AFAP1: variants seen among roughly 807,000 people sequenced by gnomAD.
AFAP1 encodes the protein actin filament-associated protein 1.
In AFAP1, 75 loss-of-function variants were observed where a neutral mutation model predicts 93.9. The observed-to-expected ratio is 0.80, with a 90% CI of 0.66 to 0.97. AFAP1 has a LOEUF of 0.97. AFAP1 is among the 50% of genes least tolerant of loss of function. AFAP1 has a pLI of 0.00. For missense variants in AFAP1, 1,201 were observed against 1,050.8 expected, an observed-to-expected ratio of 1.14 and a Z score of -1.98; for synonymous variants, 517 against 430.7, an observed-to-expected ratio of 1.20 and a Z score of -2.48.
intron 1 of AFAP1, among the ~76,000 whole-genome samples, chr4:7,895,385 T>A (rs947600142): frequency 1.3e-5 from 2 of 151,064 alleles, no homozygotes; most frequent in Admixed American, 1.3e-4. Flanking sequence ...ATAATTATTA[T>A]CTGTTAAAGA....
chr4:7,939,481 C>G lies in AFAP1; in HGVS notation c.-3+175G>C, dbSNP rs767410134. On this transcript the variant is annotated intron_variant, in intron 1 of 17. Coordinates refer to ENST00000420658, the MANE Select transcript of AFAP1 (RefSeq NM_001134647.2). This position sits in a 1 kb window ranked among gnomAD's most constrained non-coding sequence, Gnocchi z 5.6. ...CCACCCGCAGGACGACCGGGACCCC[C>G]GCGCGGGCCCACGCGGCGTCGCAGC... 4 of 301,908 alleles carry G rather than the reference C, an allele frequency of 1.3e-5. No individual in the cohort carries two copies. The highest frequency in any genetic ancestry group is 7.6e-5 in the South Asian group (3 of 39,418). The allele number at this position is 301,908 out of a possible 1,614,324, so 18.7% of individuals were successfully genotyped here.
intron 8 of AFAP1, among the ~76,000 whole-genome samples, chr4:7,810,637 T>A (rs1320748689): frequency 2.0e-5 from 3 of 152,202 alleles, no homozygotes; most frequent in Non-Finnish European, 4.4e-5. Context: ...CAGGACAGTG[T>A]TAAATTGGAG....
At chr4:7,811,317 A>T (rs56264326) in intron 8 of AFAP1, among the ~76,000 whole-genome samples, 20,146 of 134,486 alleles carry the variant, frequency 0.15, 1,562 homozygotes, top group East Asian at 0.26. Context: ...TCCCACCCCC[A>T]CCGCAGGAAC....
intron 4 of AFAP1, among the ~76,000 whole-genome samples, chr4:7,853,866 C>A (rs1714736878): frequency 6.6e-6 from 1 of 152,140 alleles, no homozygotes; most frequent in African/African-American, 2.4e-5. Flanking sequence ...CCACTGTGCG[C>A]CATCACTGCT....
At chr4:7,906,717 T>C (rs1719422809) in intron 1 of AFAP1, among the ~76,000 whole-genome samples, 1 of 152,228 alleles carries the variant, frequency 6.6e-6, no homozygotes, top group Non-Finnish European at 1.5e-5. Context: ...CTTTTGTAGA[T>C]TCCCACAGAA....
At chr4:7,864,474 A>C (rs1716188382) in intron 3 of AFAP1, among the ~76,000 whole-genome samples, 1 of 152,214 alleles carries the variant, frequency 6.6e-6, no homozygotes, top group Non-Finnish European at 1.5e-5. Flanking sequence ...GACTTGCTGA[A>C]TCCCAAATTC....
Position 7,890,004 on chromosome 4 carries a change from T to TAAAA in AFAP1, c.-2-17928_-2-17925dup, listed in dbSNP as rs543991662. Reference sequence around the variant, plus strand: ...TCAAGATCCCAGGAGCAATTTTTGTTAAAAAAAAAAAAAAAAAAAAGAAGC... The same window carrying TAAAA: ...TCAAGATCCCAGGAGCAATTTTTGTTAAAAAAAAAAAAAAAAAAAAAAAAGAAGC... On this transcript the variant is annotated intron_variant, in intron 1 of 17. Transcript: ENST00000420658. 9.7e-3 allele frequency among the ~76,000 whole-genome samples: 976 copies of TAAAA among 100,232 alleles called. 10 individuals carry two copies. The highest frequency in any genetic ancestry group is 0.019 in the African/African-American group (480 of 25,262). The allele number at this position is 100,232 out of a possible 152,430, so 65.8% of individuals were successfully genotyped here.
At chr4:7,886,671 C>G (rs1718158276) in intron 1 of AFAP1, among the ~76,000 whole-genome samples, 1 of 152,088 alleles carries the variant, frequency 6.6e-6, no homozygotes, top group Non-Finnish European at 1.5e-5. Flanking sequence ...TGGAAAATAT[C>G]CTTCTATTGT....
chr4:7,854,066 G>C (rs972701367), intron 4 of AFAP1, among the ~76,000 whole-genome samples: 1 of 152,078 alleles, frequency 6.6e-6, no homozygotes, highest in Non-Finnish European at 1.5e-5. Context: ...GCAGGGGAAG[G>C]GCCAGAGACA....
At chr4:7,801,612 G>C (rs1251131921) in intron 9 of AFAP1, among the ~76,000 whole-genome samples, 1 of 151,974 alleles carries the variant, frequency 6.6e-6, no homozygotes, top group African/African-American at 2.4e-5. Context: ...TAGAAAGCGA[G>C]ATAAATAGCA....
At chr4:7,771,444 A>G (rs1253419295) in intron 16 of AFAP1, among the ~76,000 whole-genome samples, 1 of 152,164 alleles carries the variant, frequency 6.6e-6, no homozygotes, top group East Asian at 1.9e-4. Flanking sequence ...GAATGAATAT[A>G]TGATTTTATG....
intron 8 of AFAP1, among the ~76,000 whole-genome samples, chr4:7,811,614 C>T (rs542226342): frequency 5.3e-5 from 8 of 152,268 alleles, no homozygotes; most frequent in African/African-American, 1.4e-4. Context: ...TCCACCCTCC[C>T]GCTTAGGTCC....
chr4:7,803,677 C>A (rs576676301), intron 9 of AFAP1, among the ~76,000 whole-genome samples: 4 of 152,336 alleles, frequency 2.6e-5, no homozygotes, highest in African/African-American at 9.6e-5. Flanking sequence ...CCACAGGGGA[C>A]CTGGTCCCGA....
At chr4:7,931,248 G>C (rs1308687902) in intron 1 of AFAP1, among the ~76,000 whole-genome samples, 1 of 152,166 alleles carries the variant, frequency 6.6e-6, no homozygotes, top group Admixed American at 6.5e-5. Context: ...GTAAGGTAGG[G>C]AATTGCTGGG....
At chr4:7,834,734 A>C (rs1577269625) in intron 6 of AFAP1, among the ~76,000 whole-genome samples, 1 of 152,250 alleles carries the variant, frequency 6.6e-6, no homozygotes, top group Non-Finnish European at 1.5e-5. Context: ...GAGAGATCCA[A>C]GCTGTAGTCC....
chr4:7,766,929 A>G (rs1009660070), intron 17 of AFAP1, among the ~76,000 whole-genome samples: 1 of 152,128 alleles, frequency 6.6e-6, no homozygotes, highest in Non-Finnish European at 1.5e-5. Context: ...TATTTCAGGA[A>G]TACCGCAGCG....
In AFAP1 at chr4:7,760,405, G is replaced by C. The variant is rs540950290; in HGVS notation, c.*3360C>G. ...AGCCCCAAGGGAAGGTCTCAAGGAA[G>C]GCCCCATGGACAGTGGCCCATGCTC... On this transcript the variant is annotated 3_prime_UTR_variant, in exon 18 of 18. Transcript: ENST00000420658. 1 of 152,666 alleles carries C rather than the reference G, an allele frequency of 6.6e-6. No individual in the cohort carries two copies. 9.5% of individuals were successfully genotyped at this position (152,666 alleles called of 1,614,324 possible).
chr4:7,905,496 C>T (rs776051870), intron 1 of AFAP1, among the ~76,000 whole-genome samples: 5 of 152,242 alleles, frequency 3.3e-5, no homozygotes, highest in African/African-American at 4.8e-5. Flanking sequence ...GCCCTCTGGG[C>T]GCACAGCTGC....
At chr4:7,778,929 T>C in intron 13 of AFAP1, 53 bp from the exon 14 acceptor site, 1 of 1,343,026 alleles carries the variant, frequency 7.4e-7, no homozygotes, top group Non-Finnish European at 1.0e-6. Flanking sequence ...GTCAAACAAA[T>C]CTTGGTCTTT....
Sources: allele counts gnomAD v4.1 joint callset (sites outside exome capture counted in the v4.1 genomes callset), GRCh38; gene constraint gnomAD v4.1.1; non-coding constraint Gnocchi (gnomAD v3.1); transcripts MANE v1.5; gene names NCBI Gene and HGNC (gene_info 2026-07-23, HGNC 2026-07-21).